The following ANK2 variants were observed in gnomAD, a reference collection of about 807,000 sequenced individuals.
ANK2 encodes ankyrin-2.
A neutral mutation model predicts 360.5 loss-of-function variants in ANK2; 83 were observed. That is an observed-to-expected ratio of 0.23 (90% CI 0.19 to 0.28). The LOEUF (loss-of-function observed/expected upper bound fraction) is 0.28. Among genes scored for constraint, ANK2 ranks in the 10% least tolerant of loss-of-function variants. ANK2 has a pLI of 1.00. For synonymous variants in ANK2, 1,740 were observed against 1,759.5 expected (o/e 0.99, Z 0.28); for missense variants, 4,201 against 4,795.7 (o/e 0.88, Z 3.66).
At chr4:113,155,480 C>T (rs924170730) in intron 1 of ANK2, among the ~76,000 whole-genome samples, 3 of 151,924 alleles carry the variant, frequency 2.0e-5, no homozygotes, top group Admixed American at 1.3e-4. Flanking sequence ...TAAGATTTTC[C>T]ACAATTGGAA....
At chr4:113,370,539 C>T (rs1376652380) in intron 43 of ANK2, among the ~76,000 whole-genome samples, 2 of 152,040 alleles carry the variant, frequency 1.3e-5, no homozygotes, top group African/African-American at 4.8e-5. Flanking sequence ...GCGGGTGGAT[C>T]ATGAGGTCAG....
At chr4:113,157,457 G>T (rs1016362572) in intron 1 of ANK2, among the ~76,000 whole-genome samples, 7 of 152,154 alleles carry the variant, frequency 4.6e-5, no homozygotes, top group South Asian at 2.1e-4. Context: ...TATTGCTCTG[G>T]ATTCACTTAC....
rs781179250 is a variant in ANK2 at position 113,293,420 on chromosome 4, CTCTT to C, written c.2377-17_2377-14del. The C allele has an allele frequency of 5.0e-6, 8 of 1,603,804 alleles. No individual in the cohort carries two copies. In the East Asian group the frequency reaches 8.9e-5, roughly 18 times the overall value. On this transcript the variant is annotated splice_polypyrimidine_tract_variant and intron_variant, in intron 21 of 45. Transcript: ENST00000357077. The stretch of plus-strand genomic sequence containing the variant: ...TCCTCTCTCTTATTTCTCACTCTCT[CTCTT>C]TCACTCTCTCTTCAGAATGGCAACA...
the ANK2 span, among the ~76,000 whole-genome samples, chr4:112,810,143 ATATATATATATATATATTTTTTTTTT>A: frequency 4.3e-5 from 1 of 23,048 alleles, no homozygotes; most frequent in Admixed American, 6.2e-4. Flanking sequence ...ATATATATAT[ATATATATATATATATATTTTTTTTTT>A]TTTTTTTTTT....
chr4:112,748,541 T>C, the ANK2 span, among the ~76,000 whole-genome samples: 1 of 152,226 alleles, frequency 6.6e-6, no homozygotes, highest in Non-Finnish European at 1.5e-5. Flanking sequence ...GTTTATCTTA[T>C]GTTAACCTAT....
the ANK2 span, among the ~76,000 whole-genome samples, chr4:112,799,316 G>A: frequency 3.3e-5 from 5 of 152,044 alleles, no homozygotes; most frequent in East Asian, 1.9e-4. Flanking sequence ...GCCTGCTTCC[G>A]ATTCTTTCTG....
Position 113,352,933 on chromosome 4 carries a change from C to CCCACCA in ANK2, c.4427-101_4427-96dup, listed in dbSNP as rs938840762. On this transcript the variant is annotated intron_variant, in intron 37 of 45. Transcript: ENST00000357077. Reference sequence around the variant, plus strand: ...ATTCCCAGCCCATTTTGTTGCCCCTCCCACCACCACCACCACAGGAAAAGA... The same window carrying CCCACCA: ...ATTCCCAGCCCATTTTGTTGCCCCTCCCACCACCACCACCACCACCACAGGAAAAGA... 2.8e-5 allele frequency: 36 copies of CCCACCA among 1,276,306 alleles called. No individual in the cohort carries two copies. In the East Asian group the frequency reaches 6.6e-4, roughly 23 times the overall value. The allele number at this position is 1,276,306 out of a possible 1,614,324, so 79.1% of individuals were successfully genotyped here.
intron 23 of ANK2, among the ~76,000 whole-genome samples, chr4:113,308,710 A>G (rs974434285): frequency 3.9e-5 from 6 of 152,232 alleles, no homozygotes; most frequent in African/African-American, 1.4e-4. Flanking sequence ...AACAGGAGTC[A>G]GAGTGTGAAA....
chr4:112,749,624 T>C, the ANK2 span, among the ~76,000 whole-genome samples: 2 of 152,196 alleles, frequency 1.3e-5, no homozygotes, highest in Non-Finnish European at 2.9e-5. Flanking sequence ...CAGTGTTTCC[T>C]AGGATTGTAC....
intron 1 of ANK2, among the ~76,000 whole-genome samples, chr4:113,167,306 T>TC (rs1401607072): frequency 6.6e-6 from 1 of 151,432 alleles, no homozygotes; most frequent in Non-Finnish European, 1.5e-5. Flanking sequence ...GGGTCACCTT[T>TC]TTTTTTTTTT....
chr4:113,301,163 T>C (rs1440238689), intron 22 of ANK2, among the ~76,000 whole-genome samples: 1 of 152,188 alleles, frequency 6.6e-6, no homozygotes, highest in East Asian at 1.9e-4. Flanking sequence ...TTCATTTTTT[T>C]TTAAAGTTTC....
At chr4:113,283,686 A>G (rs764822183) in intron 18 of ANK2, among the ~76,000 whole-genome samples, 2 of 152,236 alleles carry the variant, frequency 1.3e-5, no homozygotes, top group Non-Finnish European at 2.9e-5. Flanking sequence ...ACTTATATAT[A>G]TGCTGCTATA....
chr4:113,177,627 T>G (rs2098267770), intron 2 of ANK2, among the ~76,000 whole-genome samples: 1 of 152,230 alleles, frequency 6.6e-6, no homozygotes, highest in African/African-American at 2.4e-5. Context: ...TGAGAAAGAA[T>G]AATCTCTCAA....
chr4:112,747,332 C>A, the ANK2 span, among the ~76,000 whole-genome samples: 6 of 152,332 alleles, frequency 3.9e-5, no homozygotes, highest in Non-Finnish European at 5.9e-5. Flanking sequence ...GAAAAGAAAT[C>A]TTAATCTGTC....
intron 3 of ANK2, among the ~76,000 whole-genome samples, chr4:113,197,002 C>T (rs1192974740): frequency 1.3e-5 from 2 of 152,146 alleles, no homozygotes; most frequent in Non-Finnish European, 2.9e-5. Context: ...TTTATCTTTC[C>T]CCCTTCGATT....
intron 22 of ANK2, 135 bp downstream of exon 22, chr4:113,293,673 C>A: frequency 1.2e-6 from 1 of 844,398 alleles, no homozygotes; most frequent in Non-Finnish European, 1.9e-6. Flanking sequence ...AGTATTGTAG[C>A]ACATACATAG....
At chr4:113,337,998 G>A (rs377274573) in intron 31 of ANK2, among the ~76,000 whole-genome samples, 7 of 152,236 alleles carry the variant, frequency 4.6e-5, no homozygotes, top group African/African-American at 1.4e-4. Context: ...CCAGCACAAT[G>A]TCTTTAGACA....
chr4:112,753,890 G>T, the ANK2 span, among the ~76,000 whole-genome samples: 13 of 151,920 alleles, frequency 8.6e-5, no homozygotes, highest in Non-Finnish European at 1.8e-4. Context: ...TTGAGGTCAG[G>T]AGTTTGAGAC....
intron 2 of ANK2, among the ~76,000 whole-genome samples, chr4:113,192,735 T>C (rs1284274315): frequency 6.6e-6 from 1 of 152,032 alleles, no homozygotes; most frequent in Admixed American, 6.6e-5. Flanking sequence ...AATATAATAG[T>C]GATTCCTATG....
Sources: allele counts gnomAD v4.1 joint callset (sites outside exome capture counted in the v4.1 genomes callset), GRCh38; gene constraint gnomAD v4.1.1; transcripts MANE v1.5; gene names NCBI Gene and HGNC (gene_info 2026-07-23, HGNC 2026-07-21).